The following FBXO46 variants were observed in gnomAD, a reference collection of about 807,000 sequenced individuals.
The protein encoded by FBXO46 is F-box only protein 46.
FBXO46 carries 13 observed loss-of-function variants against 30.7 expected under a neutral mutation model. That is an observed-to-expected ratio of 0.42 (90% CI 0.28 to 0.67). The LOEUF (loss-of-function observed/expected upper bound fraction) is 0.67. Among genes scored for constraint, FBXO46 ranks in the 30% least tolerant of loss-of-function variants. The probability of loss-of-function intolerance (pLI) is 0.21; values close to 1 mark genes in which losing one functional copy is unlikely to be tolerated. For synonymous variants in FBXO46, 467 were observed against 385.8 expected (o/e 1.21, Z -2.47); for missense variants, 754 against 871.5 (o/e 0.87, Z 1.70).
Position 45,712,568 on chromosome 19 carries a change from G to T in FBXO46, c.928C>A (p.Gln310Lys). 1 of 1,593,616 alleles carries T rather than the reference G, an allele frequency of 6.3e-7. No homozygotes were observed. The highest frequency in any genetic ancestry group is 2.2e-5 in the East Asian group (1 of 44,644). Residue 310 changes from glutamine to lysine, a missense_variant, in exon 2 of 2, where the codon CAG becomes AAG. By Grantham distance (53) the Gln-to-Lys change is moderately conservative. Transcript: ENST00000317683. The surrounding 1 kb of genome is among the most constrained non-coding windows in gnomAD (Gnocchi z 8.8). ...GCATCCCGCGAGGGGCTGATGAGCT[G>T]GTATAAGTCACATGTGATCTTGTCC... Reference protein sequence around the residue: ...AKDKITCDLYQLISPSRDALP... With the variant: ...AKDKITCDLYKLISPSRDALP...
At chr19:45,714,727 C>A (rs541555806) in intron 1 of FBXO46, 1 of 152,128 alleles carries the variant, frequency 6.6e-6, no homozygotes, top group South Asian at 2.1e-4. Context: ...TCCATCTCTA[C>A]GAAAAAAGAT....
Position 45,712,032 on chromosome 19 carries a change from C to T in FBXO46, c.1464G>A (p.Leu488=). Residue 488 remains leucine (L), a synonymous_variant, in exon 2 of 2, where the codon CTG becomes CTA. Transcript: ENST00000317683. This position sits in a 1 kb window ranked among gnomAD's most constrained non-coding sequence, Gnocchi z 8.8. The part of the protein sequence containing the change: ...EHVLVKIFSF[L]PTRALAALKC... ...TGAGGGCGGCCAGCGCGCGCGTGGG[C>T]AGGAAGCTGAAGATCTTGACCAGCA... is the stretch of plus-strand genomic sequence containing the variant. The T allele has an allele frequency of 6.2e-7, 1 of 1,612,420 alleles. No individual in the cohort carries two copies. Among genetic ancestry groups the T allele is most frequent in the African/African-American group, 1.3e-5 (1 of 75,030 alleles).
At chr19:45,726,056 T>C (rs1279485478) in intron 1 of FBXO46, among the ~76,000 whole-genome samples, 2 of 152,142 alleles carry the variant, frequency 1.3e-5, no homozygotes, top group Non-Finnish European at 2.9e-5. Flanking sequence ...AAAAATTTAT[T>C]TGAGGCTGGG....
chr19:45,718,271 G>T (rs1968127908), intron 1 of FBXO46, among the ~76,000 whole-genome samples: 1 of 152,204 alleles, frequency 6.6e-6, no homozygotes, highest in Non-Finnish European at 1.5e-5. Flanking sequence ...CTGACGCAGG[G>T]CAGGTCTCCT....
chr19:45,722,686 C>T lies in FBXO46; in HGVS notation c.-79+8163G>A, dbSNP rs952828177. On this transcript the variant is annotated intron_variant, in intron 1 of 1. Transcript: ENST00000317683. ...CTGAGGCAGGAGAATGGCGTGAACC[C>T]GGGAGGCGGAGCTTGCAGTGAGCCG... is the stretch of plus-strand genomic sequence containing the variant. Among the ~76,000 whole-genome samples the T allele has an allele frequency of 5.3e-5, 8 of 151,388 alleles. 1 individual carries two copies. In the Admixed American group the frequency reaches 5.3e-4, roughly 10 times the overall value.
At chr19:45,714,059 T>C (rs1968050271) in intron 1 of FBXO46, among the ~76,000 whole-genome samples, 1 of 150,938 alleles carries the variant, frequency 6.6e-6, no homozygotes, top group Admixed American at 6.6e-5. Flanking sequence ...GAGATGCCCT[T>C]TTAACTTGCA....
chr19:45,711,622 C>T lies in FBXO46; in HGVS notation c.*62G>A. On this transcript the variant is annotated 3_prime_UTR_variant, in exon 2 of 2. Coordinates refer to ENST00000317683, the MANE Select transcript of FBXO46 (RefSeq NM_001080469.2). Reference sequence around the variant, plus strand: ...GGGCAGGCGGCCCAGTCCGGACCCTCGGCTCCCGGGGGGAGAGGGGAGGGG... The same window carrying T: ...GGGCAGGCGGCCCAGTCCGGACCCTTGGCTCCCGGGGGGAGAGGGGAGGGG... 1 of 1,341,226 alleles carries T rather than the reference C, an allele frequency of 7.5e-7. No individual in the cohort carries two copies. The highest frequency in any genetic ancestry group is 1.4e-5 in the African/African-American group (1 of 69,378). The allele number at this position is 1,341,226 out of a possible 1,614,324, so 83.1% of individuals were successfully genotyped here. A position where few individuals can be genotyped will look rare whatever the true frequency, so the allele number is the denominator to read the frequency against.
intron 1 of FBXO46, among the ~76,000 whole-genome samples, chr19:45,718,942 T>TAAAAAAAAAAA (rs397954439): frequency 1.7e-5 from 2 of 119,440 alleles, no homozygotes; most frequent in African/African-American, 6.3e-5. Context: ...CATTACCCCT[T>TAAAAAAAAAAA]AAAAAAAAAA....
Position 45,713,585 on chromosome 19 carries a change from A to G in FBXO46, c.-78-12T>C, listed in dbSNP as rs1968037993. 4.5e-6 allele frequency: 5 copies of G among 1,113,232 alleles called. No individual in the cohort carries two copies. 69.0% of individuals were successfully genotyped at this position (1,113,232 alleles called of 1,614,324 possible). On this transcript the variant is annotated splice_polypyrimidine_tract_variant and intron_variant, in intron 1 of 1. Transcript: ENST00000317683. This position sits in a 1 kb window ranked among gnomAD's most constrained non-coding sequence, Gnocchi z 4.7. The stretch of plus-strand genomic sequence containing the variant: ...GCTCCACATGCCACCTGGAGACACG[A>G]AGAGGAGGTTGGGGAGCTAGGGGGA...
At chr19:45,721,756 C>T (rs536215902) in intron 1 of FBXO46, among the ~76,000 whole-genome samples, 1 of 152,034 alleles carries the variant, frequency 6.6e-6, no homozygotes, top group South Asian at 2.1e-4. Flanking sequence ...CCATGTTAGC[C>T]AGGATGGTCT....
Position 45,711,320 on chromosome 19 carries a change from T to G in FBXO46, c.*364A>C, listed in dbSNP as rs1568543436. On this transcript the variant is annotated 3_prime_UTR_variant, in exon 2 of 2. Coordinates refer to ENST00000317683, the MANE Select transcript of FBXO46 (RefSeq NM_001080469.2). ...GTGAGGGAGAGGATGGGGGCCAGAATGGGGGGACCCTTAAGTGGTACCAAA... is the reference window on the plus strand; with the variant it reads ...GTGAGGGAGAGGATGGGGGCCAGAAGGGGGGGACCCTTAAGTGGTACCAAA... 6.5e-6 allele frequency: 3 copies of G among 459,452 alleles called. No homozygotes were observed. Among genetic ancestry groups the G allele is most frequent in the East Asian group, 5.9e-5 (1 of 16,974 alleles). The allele number at this position is 459,452 out of a possible 1,614,324, so 28.5% of individuals were successfully genotyped here.
intron 1 of FBXO46, among the ~76,000 whole-genome samples, chr19:45,717,961 A>T (rs1353782392): frequency 6.6e-6 from 1 of 152,166 alleles, no homozygotes; most frequent in Non-Finnish European, 1.5e-5. Flanking sequence ...AGCCTTTCCA[A>T]ACAGGCGCCC....
chr19:45,711,446 A>T lies in FBXO46; in HGVS notation c.*238T>A. ...GAGAAGAAAGTGAGATGCTGATAAAAAAAAAAAAAACACCCTTCTCAGAGG... is the reference window on the plus strand; with the variant it reads ...GAGAAGAAAGTGAGATGCTGATAAATAAAAAAAAAACACCCTTCTCAGAGG... On this transcript the variant is annotated 3_prime_UTR_variant, in exon 2 of 2. Coordinates refer to ENST00000317683, the MANE Select transcript of FBXO46 (RefSeq NM_001080469.2). 1 of 677,130 alleles carries T rather than the reference A, an allele frequency of 1.5e-6. No homozygotes were observed. Among genetic ancestry groups the T allele is most frequent in the Non-Finnish European group, 2.7e-6 (1 of 371,140 alleles). The allele number at this position is 677,130 out of a possible 1,614,324, so 41.9% of individuals were successfully genotyped here.
chr19:45,726,037 A>C lies in FBXO46; in HGVS notation c.-79+4812T>G, dbSNP rs568160852. On this transcript the variant is annotated intron_variant, in intron 1 of 1. Coordinates refer to ENST00000317683, the MANE Select transcript of FBXO46 (RefSeq NM_001080469.2). ...TAGGCTCATGCCACCAAGCCTGACT[A>C]ATTTTTTAAAAAATTTATTTGAGGC... 2.6e-5 allele frequency among the ~76,000 whole-genome samples: 4 copies of C among 152,162 alleles called. No individual in the cohort carries two copies. In the South Asian group the frequency reaches 8.3e-4, roughly 32 times the overall value.
At chr19:45,715,264 A>C (rs952035061) in intron 1 of FBXO46, 35 of 152,354 alleles carry the variant, frequency 2.3e-4, no homozygotes, top group African/African-American at 8.4e-4. Context: ...TTAAACCTTG[A>C]AACTTCCACA....
At chr19:45,720,551 G>A (rs1968155382) in intron 1 of FBXO46, among the ~76,000 whole-genome samples, 1 of 152,170 alleles carries the variant, frequency 6.6e-6, no homozygotes, top group African/African-American at 2.4e-5. Flanking sequence ...TTACAGGTGT[G>A]AGCCACTGTG....
chr19:45,721,813 G>A (rs971579076), intron 1 of FBXO46, among the ~76,000 whole-genome samples: 31 of 150,506 alleles, frequency 2.1e-4, no homozygotes, highest in African/African-American at 7.5e-4. Context: ...GATTATAGGC[G>A]TGAGCCACCA....
intron 1 of FBXO46, among the ~76,000 whole-genome samples, chr19:45,720,155 G>C (rs1336009663): frequency 6.6e-6 from 1 of 151,278 alleles, no homozygotes; most frequent in African/African-American, 2.4e-5. Context: ...ACGGAGTCTT[G>C]CTCTGTTGCC....
In FBXO46 at chr19:45,712,936, A is replaced by G. The variant is rs1476101459; in HGVS notation, c.560T>C (p.Leu187Pro). 2 of 1,600,136 alleles carry G rather than the reference A, an allele frequency of 1.2e-6. No individual in the cohort carries two copies. The highest frequency in any genetic ancestry group is 1.7e-6 in the Non-Finnish European group (2 of 1,173,842). The stretch of plus-strand genomic sequence containing the variant: ...GGTGGTCGGTCGTGGGTAGCTCTGC[A>G]GGGCCAGGGCTGCCCGCTGTTCCAC... ...ALVEQRAALA[L>P]QSYPRPTTPA... The change falls in exon 2 of 2, where the codon CTG becomes CCG. Residue 187 changes from leucine to proline, a missense_variant. Coordinates refer to ENST00000317683, the MANE Select transcript of FBXO46 (RefSeq NM_001080469.2). This position sits in a 1 kb window ranked among gnomAD's most constrained non-coding sequence, Gnocchi z 8.8.
Sources: allele counts gnomAD v4.1 joint callset (sites outside exome capture counted in the v4.1 genomes callset), GRCh38; gene constraint gnomAD v4.1.1; non-coding constraint Gnocchi (gnomAD v3.1); transcripts MANE v1.5; gene names NCBI Gene and HGNC (gene_info 2026-07-23, HGNC 2026-07-21).